Variants in DPYD observed in about 807,000 individuals in gnomAD.
The protein encoded by DPYD is dihydropyrimidine dehydrogenase.
A neutral mutation model predicts 116.2 loss-of-function variants in DPYD; 109 were observed. That is an observed-to-expected ratio of 0.94 (90% CI 0.80 to 1.10). DPYD has a LOEUF of 1.10. Among genes scored for constraint, DPYD ranks in the 50% least tolerant of loss-of-function variants. DPYD has a pLI of 0.00. For missense variants in DPYD, 1,302 were observed against 1,254.5 expected (o/e 1.04, Z -0.57); for synonymous variants, 440 against 432.0 (o/e 1.02, Z -0.23).
chr1:97,540,003 A>G (rs754727945), intron 12 of DPYD, among the ~76,000 whole-genome samples: 1 of 152,124 alleles, frequency 6.6e-6, no homozygotes, highest in Non-Finnish European at 1.5e-5. Context: ...TTTCTCCACT[A>G]AAATCTCACA....
chr1:97,465,597 GCT>G (rs923478158), intron 13 of DPYD, among the ~76,000 whole-genome samples: 14 of 152,230 alleles, frequency 9.2e-5, no homozygotes, highest in African/African-American at 3.4e-4. Context: ...TTCTGCACAA[GCT>G]CTCTCTTTCT....
intron 13 of DPYD, among the ~76,000 whole-genome samples, chr1:97,490,798 T>C (rs1196519687): frequency 6.7e-6 from 1 of 148,612 alleles, no homozygotes; most frequent in Admixed American, 6.8e-5. Context: ...ATTCAGACTT[T>C]GTAATACTAT....
At chr1:97,739,676 A>G (rs1664154085) in intron 4 of DPYD, among the ~76,000 whole-genome samples, 1 of 152,068 alleles carries the variant, frequency 6.6e-6, no homozygotes. Flanking sequence ...TCTTTATGGG[A>G]GACATTGTTC....
chr1:97,142,684 T>C (rs1299604664), intron 20 of DPYD, among the ~76,000 whole-genome samples: 1 of 152,096 alleles, frequency 6.6e-6, no homozygotes, highest in African/African-American at 2.4e-5. Flanking sequence ...TAGCAATTCC[T>C]CCTCAGCCAT....
intron 3 of DPYD, among the ~76,000 whole-genome samples, chr1:97,827,100 T>A (rs544896596): frequency 2.0e-5 from 3 of 152,070 alleles, no homozygotes; most frequent in Non-Finnish European, 2.9e-5. Flanking sequence ...AAAGGAAGGT[T>A]ACTAAATGAG....
intron 8 of DPYD, among the ~76,000 whole-genome samples, chr1:97,605,509 A>T (rs1036808356): frequency 8.6e-5 from 13 of 152,042 alleles, no homozygotes; most frequent in African/African-American, 3.1e-4. Context: ...GCCTTCTGCC[A>T]TACTGTAAGT....
At chr1:97,406,290 A>T (rs76722667) in intron 14 of DPYD, among the ~76,000 whole-genome samples, 1,214 of 12,698 alleles carry the variant, frequency 0.096, 19 homozygotes, top group Middle Eastern at 0.17. Flanking sequence ...TTTTTTTTTT[A>T]AAATTATTAA....
At chr1:97,275,794 T>C (rs1407828156) in intron 18 of DPYD, among the ~76,000 whole-genome samples, 1 of 152,168 alleles carries the variant, frequency 6.6e-6, no homozygotes, top group Non-Finnish European at 1.5e-5. Context: ...TTCTTTTCCA[T>C]GATAAGTCAG....
intron 12 of DPYD, among the ~76,000 whole-genome samples, chr1:97,542,671 G>A (rs1650539106): frequency 6.6e-6 from 1 of 151,952 alleles, no homozygotes; most frequent in Non-Finnish European, 1.5e-5. Flanking sequence ...ATGCTATATT[G>A]GGCTTACATT....
intron 14 of DPYD, among the ~76,000 whole-genome samples, chr1:97,439,484 G>A (rs1315519246): frequency 6.6e-6 from 1 of 152,102 alleles, no homozygotes; most frequent in Non-Finnish European, 1.5e-5. Context: ...CACTTAAGTT[G>A]ATTAATTCAT....
chr1:97,181,134 C>T (rs1047399206), intron 20 of DPYD, among the ~76,000 whole-genome samples: 3 of 152,140 alleles, frequency 2.0e-5, no homozygotes, highest in African/African-American at 7.2e-5. Flanking sequence ...CACACCTCTG[C>T]TGGGCTAGGC....
At chr1:97,789,694 T>C (rs574913725) in intron 3 of DPYD, among the ~76,000 whole-genome samples, 2 of 152,284 alleles carry the variant, frequency 1.3e-5, no homozygotes, top group Admixed American at 6.5e-5. Flanking sequence ...CCTTTGCTAC[T>C]TCATAATTTT....
intron 14 of DPYD, among the ~76,000 whole-genome samples, chr1:97,418,819 T>C (rs1379703650): frequency 6.6e-6 from 1 of 152,154 alleles, no homozygotes; most frequent in African/African-American, 2.4e-5. Context: ...TGGTATATCT[T>C]AGTTTGCCAG....
intron 13 of DPYD, among the ~76,000 whole-genome samples, chr1:97,490,258 C>T (rs2101901737): frequency 6.6e-6 from 1 of 150,868 alleles, no homozygotes; most frequent in East Asian, 1.9e-4. Context: ...ACAGTTTTAT[C>T]AAGAACAACC....
chr1:97,547,003 C>T (rs1056623511), intron 12 of DPYD: 7 of 1,561,728 alleles, frequency 4.5e-6, no homozygotes, highest in Non-Finnish European at 5.3e-6. Flanking sequence ...CACATATTTG[C>T]AATTTTTTGC....
chr1:97,859,142 G>A (rs1195141822), intron 2 of DPYD, among the ~76,000 whole-genome samples: 1 of 151,680 alleles, frequency 6.6e-6, no homozygotes, highest in African/African-American at 2.4e-5. Context: ...TAAGATTTCT[G>A]TCTGTTTGCC....
intron 8 of DPYD, among the ~76,000 whole-genome samples, chr1:97,655,322 G>GT (rs1356327617): frequency 2.6e-5 from 4 of 152,164 alleles, no homozygotes; most frequent in African/African-American, 9.7e-5. Flanking sequence ...TCACACAAAA[G>GT]TATGTACATC....
rs2391822 is a variant in DPYD at position 97,153,678 on chromosome 1, T to C, written c.2622+39391A>G. Among the ~76,000 whole-genome samples the C allele has an allele frequency of 3.5e-3, 526 of 152,156 alleles. 15 individuals carry two copies. In the East Asian group the frequency reaches 0.082, roughly 24 times the overall value. ...TTAATTAGACTAAAAACTTCCTGTATAGCAAAAGAAATAATCAGCAGAGTT... is the reference window on the plus strand; with the variant it reads ...TTAATTAGACTAAAAACTTCCTGTACAGCAAAAGAAATAATCAGCAGAGTT... On this transcript the variant is annotated intron_variant, in intron 20 of 22. Transcript: ENST00000370192.
rs1049500873 is a variant in DPYD at position 97,323,527 on chromosome 1, T to C, written c.2059-17230A>G. On this transcript the variant is annotated intron_variant, in intron 16 of 22. Coordinates refer to ENST00000370192, the MANE Select transcript of DPYD (RefSeq NM_000110.4). ...ATGTACATATGTGTATATATACACA[T>C]ATATATACATATCATATATATACAT... 9.9e-4 allele frequency among the ~76,000 whole-genome samples: 24 copies of C among 24,348 alleles called. 3 individuals carry two copies. Among genetic ancestry groups the C allele is most frequent in the East Asian group, 3.6e-3 (4 of 1,108 alleles). 16.0% of individuals were successfully genotyped at this position (24,348 alleles called of 152,430 possible). A position where few individuals can be genotyped will look rare whatever the true frequency, so the allele number is the denominator to read the frequency against.
Sources: gnomAD v4.1 joint callset for allele counts (sites outside exome capture counted in the v4.1 genomes callset) on GRCh38, gnomAD v4.1.1 for gene constraint, MANE v1.5 for transcripts, NCBI Gene and HGNC (gene_info 2026-07-23, HGNC 2026-07-21) for gene names.